The following CASK variants were observed in gnomAD, a reference collection of about 807,000 sequenced individuals.
CASK encodes peripheral plasma membrane protein CASK.
A neutral mutation model predicts 82.9 loss-of-function variants in CASK; 4 were observed. The observed-to-expected ratio is 0.05, with a 90% CI of 0.02 to 0.11. The LOEUF (loss-of-function observed/expected upper bound fraction) is 0.11, where lower values mean the gene tolerates loss of function less well. Among genes scored for constraint, CASK ranks in the 10% least tolerant of loss-of-function variants. The probability of loss-of-function intolerance (pLI) is 1.00; values close to 1 mark genes in which losing one functional copy is unlikely to be tolerated. For missense variants in CASK, 358 were observed against 720.9 expected, an observed-to-expected ratio of 0.50 and a Z score of 5.76; for synonymous variants, 259 against 253.5, an observed-to-expected ratio of 1.02 and a Z score of -0.20.
intron 2 of CASK, among the ~76,000 whole-genome samples, chrX:41,823,592 G>T (rs2070596448): frequency 9.0e-6 from 1 of 111,237 alleles, no homozygotes; most frequent in Non-Finnish European, 1.9e-5. Context: ...GTTCACACTG[G>T]TTTCCATGTT....
At position 41,520,498 on chromosome X, in the gene CASK, C is replaced by T; in HGVS notation, c.2703G>A (p.Glu901=). 9.1e-6 allele frequency: 11 copies of T among 1,207,013 alleles called. No homozygotes were observed. The highest frequency in any genetic ancestry group is 1.2e-5 in the Non-Finnish European group (11 of 891,432). ...CAGCTTCCTCCAGATGTCTGATTGT[C>T]TCATCAATTTCATTGTTGATAATTG... ...DLTIINNEID[E]TIRHLEEAVE... Residue 901 remains glutamate, a synonymous_variant, in exon 27 of 27, where the codon GAG becomes GAA. Coordinates refer to ENST00000378163, the MANE Select transcript of CASK (RefSeq NM_001367721.1).
chrX:41,713,746 G>A (rs1050002292), intron 5 of CASK, among the ~76,000 whole-genome samples: 1 of 111,581 alleles, frequency 9.0e-6, no homozygotes, highest in South Asian at 3.8e-4. Context: ...GAAACTAAGA[G>A]GAAAAAGAAA....
chrX:41,682,055 T>TAA lies in CASK; in HGVS notation c.430-10527_430-10526dup, dbSNP rs35914567. Among the ~76,000 whole-genome samples, 69 of 67,756 alleles carry TAA rather than the reference T, an allele frequency of 1.0e-3. 1 individual carries two copies. The highest frequency in any genetic ancestry group is 3.0e-3 in the South Asian group (4 of 1,340). 58.8% of individuals were successfully genotyped at this position (67,756 alleles called of 115,157 possible). ...AATGAATCCAACATAAGGACCATTG[T>TAA]AAAAAAAAAAAAAAAAAAAAAGGAA... On this transcript the variant is annotated intron_variant, in intron 5 of 26. Coordinates refer to ENST00000378163, the MANE Select transcript of CASK (RefSeq NM_001367721.1).
chrX:41,808,743 C>A (rs1374700014), intron 2 of CASK, among the ~76,000 whole-genome samples: 1 of 112,184 alleles, frequency 8.9e-6, no homozygotes, highest in Non-Finnish European at 1.9e-5. Context: ...TGGGTGCAGC[C>A]CACCGAGTGT....
At chrX:41,738,396 CT>C (rs2068537236) in intron 5 of CASK, among the ~76,000 whole-genome samples, 1 of 112,438 alleles carries the variant, frequency 8.9e-6, no homozygotes, top group African/African-American at 3.2e-5. Context: ...CTAATTTACA[CT>C]AATGTGTATT....
intron 2 of CASK, among the ~76,000 whole-genome samples, chrX:41,810,328 C>A (rs958139035): frequency 8.9e-6 from 1 of 112,193 alleles, no homozygotes; most frequent in Non-Finnish European, 1.9e-5. Flanking sequence ...TAAGGGCAGC[C>A]AGAGAGAAAG....
intron 5 of CASK, among the ~76,000 whole-genome samples, chrX:41,719,368 A>G (rs184504312): frequency 1.8e-5 from 2 of 111,831 alleles, no homozygotes; most frequent in East Asian, 5.6e-4. Context: ...GATGGATCCA[A>G]CTCCTGGGGA....
intron 3 of CASK, among the ~76,000 whole-genome samples, chrX:41,754,437 A>G (rs2068853864): frequency 9.0e-6 from 1 of 111,580 alleles, no homozygotes; most frequent in Admixed American, 9.6e-5. Flanking sequence ...AGAACTAAAC[A>G]TCTACCTGTA....
intron 6 of CASK, among the ~76,000 whole-genome samples, chrX:41,667,393 A>T (rs1339322882): frequency 3.6e-5 from 4 of 111,662 alleles, no homozygotes; most frequent in Non-Finnish European, 7.5e-5. Flanking sequence ...TAGGACTTTG[A>T]CCACAAAATT....
chrX:41,831,046 G>A (rs185653476), intron 2 of CASK, among the ~76,000 whole-genome samples: 1 of 109,219 alleles, frequency 9.2e-6, no homozygotes, highest in East Asian at 2.9e-4. Flanking sequence ...CAAAACTTAC[G>A]TGGCATTCCT....
At chrX:41,696,131 A>G in intron 5 of CASK, 1 of 1,207,163 alleles carries the variant, frequency 8.3e-7, no homozygotes, top group South Asian at 1.8e-5. Context: ...GGAAGGCAAT[A>G]ACAACCAAAC....
chrX:41,864,789 G>A (rs760885882), intron 1 of CASK, among the ~76,000 whole-genome samples: 1 of 111,668 alleles, frequency 9.0e-6, no homozygotes, highest in Non-Finnish European at 1.9e-5. Flanking sequence ...GTTAATATAA[G>A]CATATTCAGC....
At position 41,889,309 on chromosome X, in the gene CASK, C is replaced by CT. The variant is rs200032761; in HGVS notation, c.59+33620dup. On this transcript the variant is annotated intron_variant, in intron 1 of 26. Transcript: ENST00000378163. The stretch of plus-strand genomic sequence containing the variant: ...CTTTTCACCAAATCCATGCCAACAT[C>CT]TTTTTTTTTTTATTTTTTGATTTAT... Among the ~76,000 whole-genome samples, 279 of 105,511 alleles carry CT rather than the reference C, an allele frequency of 2.6e-3. 1 individual carries two copies. Among genetic ancestry groups the CT allele is most frequent in the African/African-American group, 8.6e-3 (252 of 29,213 alleles). 91.6% of individuals were successfully genotyped at this position (105,511 alleles called of 115,157 possible). A position where few individuals can be genotyped will look rare whatever the true frequency, so the allele number is the denominator to read the frequency against.
chrX:41,873,111 G>A (rs781616466), intron 1 of CASK, among the ~76,000 whole-genome samples: 2 of 109,992 alleles, frequency 1.8e-5, no homozygotes, highest in Non-Finnish European at 3.8e-5. Flanking sequence ...TTTCAGAAGG[G>A]GTTTTTATCA....
At chrX:41,854,197 G>A (rs1484963856) in intron 1 of CASK, among the ~76,000 whole-genome samples, 3 of 96,972 alleles carry the variant, frequency 3.1e-5, no homozygotes, top group African/African-American at 1.2e-4. Flanking sequence ...CCTGGTCCAG[G>A]GAACATGCGC....
intron 3 of CASK, among the ~76,000 whole-genome samples, chrX:41,767,115 T>C (rs754302869): frequency 1.7e-3 from 194 of 112,231 alleles, no homozygotes; most frequent in Non-Finnish European, 3.0e-3. Context: ...CTTTTTATTT[T>C]AGAATAATTT....
chrX:41,886,071 C>T (rs537791728), intron 1 of CASK, among the ~76,000 whole-genome samples: 14 of 111,589 alleles, frequency 1.3e-4, no homozygotes, highest in African/African-American at 3.9e-4. Context: ...ATTTGGTTGC[C>T]TACCAATCAT....
chrX:41,905,061 G>A (rs777332004), intron 1 of CASK, among the ~76,000 whole-genome samples: 25 of 111,772 alleles, frequency 2.2e-4, no homozygotes, highest in Admixed American at 1.0e-3. Context: ...ATACACATGC[G>A]TCTTTATCTT....
chrX:41,768,201 T>C (rs1212270576), intron 3 of CASK, among the ~76,000 whole-genome samples: 1 of 111,428 alleles, frequency 9.0e-6, no homozygotes, highest in Non-Finnish European at 1.9e-5. Flanking sequence ...CTTCCTTACC[T>C]TCAGGCACTC....
Sources: allele counts gnomAD v4.1 joint callset (sites outside exome capture counted in the v4.1 genomes callset), GRCh38; gene constraint gnomAD v4.1.1; transcripts MANE v1.5; gene names NCBI Gene and HGNC (gene_info 2026-07-23, HGNC 2026-07-21).